Variants in TMEM52B observed in about 807,000 individuals in gnomAD.
The protein encoded by TMEM52B is transmembrane protein 52B.
In TMEM52B, 11 loss-of-function variants were observed where a neutral mutation model predicts 16.1. The ratio of observed to expected loss-of-function variants is 0.68; its 90% CI spans 0.43 to 1.13. TMEM52B has a LOEUF of 1.13. Ranked by LOEUF, TMEM52B falls within the 50% of genes most tolerant of loss-of-function variation. TMEM52B has a pLI of 0.00. For missense variants in TMEM52B, 243 were observed against 230.4 expected (o/e 1.05, Z -0.35); for synonymous variants, 101 against 93.8 (o/e 1.08, Z -0.45).
intron 3 of TMEM52B, among the ~76,000 whole-genome samples, chr12:10,185,591 G>A (rs1487332434): frequency 1.3e-5 from 2 of 152,134 alleles, no homozygotes; most frequent in African/African-American, 2.4e-5. Flanking sequence ...ATATCTCAAC[G>A]AAGATTACTT....
In TMEM52B at chr12:10,186,542, C is replaced by G. The variant is rs752707844; in HGVS notation, c.260C>G (p.Thr87Ser). ...GGGGGCCCACCACCCTGTGAAGTGA[C>G]CGTCATTGCTTTCGATCACGACAGC... ...EDGGPPPCEVTVIAFDHDSTL... is the reference protein window; with the variant it reads ...EDGGPPPCEVSVIAFDHDSTL... The change falls in exon 4 of 5, where the codon ACC (threonine) becomes AGC (serine). Residue 87 changes from threonine to serine, a missense_variant. Thr to Ser is a moderately conservative substitution (Grantham distance 58, BLOSUM62 1). Transcript: ENST00000543484. The G allele has an allele frequency of 1.9e-6, 3 of 1,608,452 alleles. No homozygotes were observed. The highest frequency in any genetic ancestry group is 2.6e-6 in the Non-Finnish European group (3 of 1,175,832).
chr12:10,171,907 G>C, intron 1 of TMEM52B: 2 of 829,522 alleles, frequency 2.4e-6, no homozygotes, highest in Non-Finnish European at 2.0e-6. Flanking sequence ...CCCATACTTG[G>C]GTGTTTAGCT....
chr12:10,188,643 G>T (rs1284331121), intron 4 of TMEM52B, among the ~76,000 whole-genome samples: 1 of 152,086 alleles, frequency 6.6e-6, no homozygotes, highest in Non-Finnish European at 1.5e-5. Flanking sequence ...GAGGCAGGTG[G>T]ATTATTTGAG....
At chr12:10,174,028 G>A (rs558833404), upstream of TMEM52B, among the ~76,000 whole-genome samples, 27 of 150,862 alleles carry the variant, frequency 1.8e-4, no homozygotes, top group Non-Finnish European at 3.5e-4. Context: ...AATAACTCCT[G>A]TGATGGTGAA....
intron 1 of TMEM52B, 107 bp downstream of exon 1, chr12:10,179,735 A>AC: frequency 7.7e-7 from 1 of 1,292,398 alleles, no homozygotes; most frequent in Non-Finnish European, 1.1e-6. Context: ...CATATACAGA[A>AC]CCCAGGGGGT....
At chr12:10,188,288 C>G (rs955206857) in intron 4 of TMEM52B, among the ~76,000 whole-genome samples, 1 of 151,668 alleles carries the variant, frequency 6.6e-6, no homozygotes, top group Non-Finnish European at 1.5e-5. Flanking sequence ...GGTGAAACCC[C>G]GTCCCTATTA....
chr12:10,173,671 T>C (rs1474719422), intron 1 of TMEM52B, among the ~76,000 whole-genome samples: 4 of 151,586 alleles, frequency 2.6e-5, no homozygotes, highest in South Asian at 2.1e-4. Context: ...TCCCAGCTAT[T>C]TGGGAGGTGG....
At position 10,190,620 on chromosome 12, in the gene TMEM52B, A is replaced by G. The variant is rs1948947138; in HGVS notation, c.*480A>G. ...GATTTTACACCGAATGACAATGATC[A>G]TCTTAGACAGCACAACATACCCACT... On this transcript the variant is annotated 3_prime_UTR_variant, in exon 5 of 5. Transcript: ENST00000543484. The G allele has an allele frequency of 5.6e-6, 1 of 179,908 alleles. No individual in the cohort carries two copies. The highest frequency in any genetic ancestry group is 1.2e-5 in the Non-Finnish European group (1 of 82,516). 11.1% of individuals were successfully genotyped at this position (179,908 alleles called of 1,614,324 possible).
At chr12:10,184,632 G>T (rs1213107757) in intron 2 of TMEM52B, among the ~76,000 whole-genome samples, 1 of 149,948 alleles carries the variant, frequency 6.7e-6, no homozygotes, top group African/African-American at 2.4e-5. Flanking sequence ...AAGAAACTAA[G>T]TTTTTTTTTT....
At chr12:10,180,281 T>TGG (rs1565426044) in intron 1 of TMEM52B, among the ~76,000 whole-genome samples, 3 of 151,576 alleles carry the variant, frequency 2.0e-5, no homozygotes, top group Admixed American at 1.3e-4. Context: ...GTTTGTTTTT[T>TGG]TTTTTTTTTT....
intron 4 of TMEM52B, among the ~76,000 whole-genome samples, chr12:10,188,471 G>T (rs551784058): frequency 1.2e-4 from 16 of 138,038 alleles, no homozygotes; most frequent in Admixed American, 9.2e-4. Flanking sequence ...AATAAAAAAG[G>T]AAAGAAAGAA....
At chr12:10,189,120 T>G (rs2896042) in intron 4 of TMEM52B, among the ~76,000 whole-genome samples, 31,419 of 142,464 alleles carry the variant, frequency 0.22, 3,659 homozygotes, top group South Asian at 0.28. Flanking sequence ...AGAGAATTGT[T>G]TGAACCTGGG....
chr12:10,190,204 C>A lies in TMEM52B; in HGVS notation c.*64C>A. The A allele has an allele frequency of 1.0e-5, 16 of 1,594,722 alleles. No individual in the cohort carries two copies. Among genetic ancestry groups the A allele is most frequent in the Non-Finnish European group, 1.3e-5 (15 of 1,169,010 alleles). ...CCAGAGTCTGTGGGAAAATGGAACACATACTTTTCTAACCCTCAGAAGTTT... is the reference window on the plus strand; with the variant it reads ...CCAGAGTCTGTGGGAAAATGGAACAAATACTTTTCTAACCCTCAGAAGTTT... On this transcript the variant is annotated 3_prime_UTR_variant, in exon 5 of 5. Transcript: ENST00000543484.
upstream of TMEM52B, among the ~76,000 whole-genome samples, chr12:10,175,765 G>T (rs748914001): frequency 1.3e-5 from 2 of 152,124 alleles, no homozygotes; most frequent in Non-Finnish European, 2.9e-5. Context: ...TTGAAATCAG[G>T]GCTGTGGCCC....
At chr12:10,174,493 C>G (rs1948751791), upstream of TMEM52B, among the ~76,000 whole-genome samples, 1 of 152,082 alleles carries the variant, frequency 6.6e-6, no homozygotes, top group South Asian at 2.1e-4. Context: ...AGTTGAAGGC[C>G]TAAAGAACAA....
At position 10,190,097 on chromosome 12, in the gene TMEM52B, C is replaced by T. The variant is rs755705161; in HGVS notation, c.509C>T (p.Pro170Leu). 6.2e-6 allele frequency: 10 copies of T among 1,614,062 alleles called. No homozygotes were observed. The Admixed American group carries it at 1.3e-4, about 22-fold the overall frequency. Reference sequence around the variant, plus strand: ...GTACCTGAAGAAAAGCAGCTGCCTCCAACAGAGAAGGAGTCGACTCGAATA... The same window carrying T: ...GTACCTGAAGAAAAGCAGCTGCCTCTAACAGAGAAGGAGTCGACTCGAATA... ...PPVPEEKQLP[P>L]TEKESTRIVD... The change falls in exon 5 of 5, where the codon CCA becomes CTA. Residue 170 changes from proline (P) to leucine (L), a missense_variant. Pro to Leu is a moderately conservative substitution (Grantham distance 98). Transcript: ENST00000543484.
chr12:10,177,815 T>TAATAATAA (rs10631520), upstream of TMEM52B, among the ~76,000 whole-genome samples: 418 of 62,954 alleles, frequency 6.6e-3, 3 homozygotes, highest in East Asian at 9.4e-3. Context: ...ATAATAATAA[T>TAATAATAA]TTTTTTATTA....
At chr12:10,171,721 T>C (rs941663412) in intron 1 of TMEM52B, among the ~76,000 whole-genome samples, 1 of 152,188 alleles carries the variant, frequency 6.6e-6, no homozygotes, top group African/African-American at 2.4e-5. Context: ...ATAGTAATAG[T>C]ACCAATCTCA....
intron 3 of TMEM52B, among the ~76,000 whole-genome samples, chr12:10,185,848 C>T (rs1414860538): frequency 2.6e-5 from 4 of 152,106 alleles, no homozygotes; most frequent in African/African-American, 7.2e-5. Flanking sequence ...TCAAGACCAG[C>T]CTGACCAACC....
Sources: allele counts gnomAD v4.1 joint callset (sites outside exome capture counted in the v4.1 genomes callset), GRCh38; gene constraint gnomAD v4.1.1; transcripts MANE v1.5; gene names NCBI Gene and HGNC (gene_info 2026-07-23, HGNC 2026-07-21).